Variants in RGS5 observed in about 807,000 individuals in gnomAD.
RGS5 encodes regulator of G-protein signalling 5.
RGS5 carries 20 observed loss-of-function variants against 18.9 expected under a neutral mutation model. The ratio of observed to expected loss-of-function variants is 1.06; its 90% confidence interval spans 0.74 to 1.54. The LOEUF (loss-of-function observed/expected upper bound fraction) is 1.54. Ranked by LOEUF, RGS5 falls within the 40% of genes most tolerant of loss-of-function variation. The pLI is 0.00. For synonymous variants in RGS5, 57 were observed against 76.2 expected (o/e 0.75, Z 1.31); for missense variants, 201 against 211.8 (o/e 0.95, Z 0.32).
At chr1:163,269,499 T>C (rs189266530) in intron 2 of RGS5, among the ~76,000 whole-genome samples, 1 of 152,332 alleles carries the variant, frequency 6.6e-6, no homozygotes, top group South Asian at 2.1e-4. Flanking sequence ...AAGAAAGTTC[T>C]ATGTTCATTT....
At chr1:163,188,254 C>T (rs1373525742) in intron 1 of RGS5, among the ~76,000 whole-genome samples, 1 of 152,100 alleles carries the variant, frequency 6.6e-6, no homozygotes, top group Non-Finnish European at 1.5e-5. Context: ...CATACAATCC[C>T]ACGGTCATTG....
chr1:163,248,369 G>A (rs1233839637), intron 2 of RGS5: 1 of 152,148 alleles, frequency 6.6e-6, no homozygotes, highest in African/African-American at 2.4e-5. Flanking sequence ...CCCAGAAGGA[G>A]TTTTGATTGC....
At chr1:163,278,384 C>T (rs1476519355) in intron 2 of RGS5, among the ~76,000 whole-genome samples, 1 of 152,036 alleles carries the variant, frequency 6.6e-6, no homozygotes, top group Non-Finnish European at 1.5e-5. Context: ...CAAATCTATC[C>T]TTCAGAAATG....
intron 3 of RGS5, among the ~76,000 whole-genome samples, chr1:163,160,272 T>C (rs1338207753): frequency 6.6e-6 from 1 of 152,210 alleles, no homozygotes; most frequent in African/African-American, 2.4e-5. Context: ...ACAATAGCAA[T>C]AAATACCTGT....
chr1:163,304,762 G>A (rs1052185740), intron 2 of RGS5: 5 of 152,212 alleles, frequency 3.3e-5, no homozygotes, highest in Admixed American at 2.6e-4. Flanking sequence ...ATCCCTAGAT[G>A]TTTAATAGTC....
intron 2 of RGS5, among the ~76,000 whole-genome samples, chr1:163,252,452 G>A (rs12743427): frequency 0.2 from 30,406 of 151,980 alleles, 3,440 homozygotes; most frequent in Non-Finnish European, 0.25. Flanking sequence ...ACATTTCGAC[G>A]TTTCTCAGTT....
chr1:163,298,547 C>T (rs755353267), intron 2 of RGS5, among the ~76,000 whole-genome samples: 2 of 151,940 alleles, frequency 1.3e-5, no homozygotes, highest in Non-Finnish European at 2.9e-5. Flanking sequence ...GGAGGGAATG[C>T]ATGGAGAACA....
chr1:163,268,670 T>G (rs1648635313), intron 2 of RGS5, among the ~76,000 whole-genome samples: 1 of 152,088 alleles, frequency 6.6e-6, no homozygotes, highest in Non-Finnish European at 1.5e-5. Context: ...GCACCACTAC[T>G]ACAGCCCACA....
At chr1:163,277,418 A>T (rs1408748578) in intron 2 of RGS5, among the ~76,000 whole-genome samples, 2 of 152,204 alleles carry the variant, frequency 1.3e-5, no homozygotes, top group Admixed American at 6.5e-5. Flanking sequence ...AAATTGATTG[A>T]TACTTGTATC....
At chr1:163,320,293 T>C (rs1332232222) in intron 1 of RGS5, among the ~76,000 whole-genome samples, 4 of 152,214 alleles carry the variant, frequency 2.6e-5, no homozygotes, top group East Asian at 1.9e-4. Context: ...GCTAATACTT[T>C]TCAAGTACTC....
intron 1 of RGS5, chr1:163,321,209 C>A (rs375076636): frequency 5.9e-5 from 9 of 152,334 alleles, no homozygotes; most frequent in African/African-American, 1.9e-4. Flanking sequence ...AAGCACTGAT[C>A]GAAGAGGGAG....
chr1:163,251,184 A>G (rs1361453634), intron 2 of RGS5, among the ~76,000 whole-genome samples: 3 of 152,152 alleles, frequency 2.0e-5, no homozygotes, highest in African/African-American at 7.2e-5. Flanking sequence ...TGTCATGCCT[A>G]CTGAATGCCT....
chr1:163,204,333 A>G (rs991243883), upstream of RGS5, among the ~76,000 whole-genome samples: 2 of 151,922 alleles, frequency 1.3e-5, no homozygotes, highest in Non-Finnish European at 2.9e-5. Context: ...ACACACACAC[A>G]CACACACACA....
intron 1 of RGS5, among the ~76,000 whole-genome samples, chr1:163,198,985 G>C (rs137992120): frequency 9.3e-4 from 142 of 151,890 alleles, no homozygotes; most frequent in African/African-American, 3.3e-3. Flanking sequence ...AACATTTTTT[G>C]TTTCATAATA....
intron 1 of RGS5, among the ~76,000 whole-genome samples, chr1:163,201,078 T>C (rs1250426652): frequency 6.6e-6 from 1 of 152,188 alleles, no homozygotes; most frequent in Non-Finnish European, 1.5e-5. Flanking sequence ...AATCACAAAA[T>C]GCTTGGCAAA....
intron 2 of RGS5, among the ~76,000 whole-genome samples, chr1:163,294,142 C>T (rs1472579974): frequency 6.6e-6 from 1 of 152,196 alleles, no homozygotes; most frequent in Non-Finnish European, 1.5e-5. Context: ...CACAGCTCCA[C>T]TAGGCAGTGC....
chr1:163,161,767 C>A (rs1245177047), intron 3 of RGS5, 148 bp downstream of exon 3: 5 of 590,616 alleles, frequency 8.5e-6, no homozygotes, highest in African/African-American at 1.9e-5. Flanking sequence ...TAATCACATA[C>A]CTGCAGCCCC....
At chr1:163,218,725 A>T (rs1571299632), upstream of RGS5, among the ~76,000 whole-genome samples, 1 of 152,314 alleles carries the variant, frequency 6.6e-6, no homozygotes, top group East Asian at 1.9e-4. Context: ...ACTTTACCCA[A>T]GGTAAAATTA....
intron 1 of RGS5, among the ~76,000 whole-genome samples, chr1:163,186,902 A>C (rs537317030): frequency 6.6e-6 from 1 of 152,188 alleles, no homozygotes; most frequent in African/African-American, 2.4e-5. Flanking sequence ...AGAATCTATC[A>C]ATTGAATTCA....
Sources: gnomAD v4.1 joint callset for allele counts (sites outside exome capture counted in the v4.1 genomes callset) on GRCh38, gnomAD v4.1.1 for gene constraint, MANE v1.5 for transcripts, NCBI Gene and HGNC (gene_info 2026-07-23, HGNC 2026-07-21) for gene names.